The following GGT5 variants were observed in gnomAD, a reference collection of about 807,000 sequenced individuals.
The protein encoded by GGT5 is gamma-glutamyltransferase 5.
GGT5 carries 50 observed loss-of-function variants against 58.1 expected under a neutral mutation model. The observed-to-expected ratio is 0.86, with a 90% CI of 0.69 to 1.09. The LOEUF (loss-of-function observed/expected upper bound fraction) is 1.09. Among genes scored for constraint, GGT5 ranks in the 50% least tolerant of loss-of-function variants. The pLI is 0.00. For missense variants in GGT5, 800 were observed against 789.4 expected, an observed-to-expected ratio of 1.01 and a Z score of -0.16; for synonymous variants, 370 against 346.1, an observed-to-expected ratio of 1.07 and a Z score of -0.77.
At chr22:24,244,519 AG>A in intron 1 of GGT5, 33 bp downstream of exon 1, 2 of 1,589,822 alleles carry the variant, frequency 1.3e-6, no homozygotes, top group Admixed American at 1.7e-5. Flanking sequence ...CTGGCTGCCA[AG>A]GGCCACCCAG....
Position 24,232,547 on chromosome 22 carries a change from G to A in GGT5, c.596+276C>T, listed in dbSNP as rs187266062. Reference sequence around the variant, plus strand: ...AGCCCTCCTGCCATGCCAGAGAGAGGAAGAAGGAGGCCGGGGCCCCAGGGC... The same window carrying A: ...AGCCCTCCTGCCATGCCAGAGAGAGAAAGAAGGAGGCCGGGGCCCCAGGGC... On this transcript the variant is annotated intron_variant, in intron 4 of 11. Transcript: ENST00000327365. Among the ~76,000 whole-genome samples the A allele has an allele frequency of 3.9e-3, 595 of 151,464 alleles. 3 individuals carry two copies. Among genetic ancestry groups the A allele is most frequent in the Middle Eastern group, 6.8e-3 (2 of 294 alleles).
At chr22:24,238,869 TATATAA>T (rs2048219973) in intron 1 of GGT5, among the ~76,000 whole-genome samples, 1 of 11,832 alleles carries the variant, frequency 8.5e-5, no homozygotes, top group African/African-American at 5.1e-4. Context: ...ATATATAATA[TATATAA>T]TATATATTAT....
chr22:24,226,239 T>A lies in GGT5; in HGVS notation c.1066A>T (p.Thr356Ser), dbSNP rs1439411410. Residue 356 changes from threonine (T) to serine (S), a missense_variant, in exon 8 of 12, where the codon ACC becomes TCC. Thr to Ser is a moderately conservative substitution (Grantham distance 58). Transcript: ENST00000327365. ...QNASRDLLGE[T>S]LAQLIRQQID... ...TGTTGGCGGATGAGCTGGGCCAGGG[T>A]CTCCCCCAGCAGGTCCCGGGAGGCA... The A allele has an allele frequency of 6.2e-7, 1 of 1,604,608 alleles. No individual in the cohort carries two copies. Among genetic ancestry groups the A allele is most frequent in the East Asian group, 2.2e-5 (1 of 44,708 alleles).
Position 24,220,876 on chromosome 22 carries a change from T to G in GGT5, c.1615-760A>C, listed in dbSNP as rs551852073. ...GCAAGATCACGTCTTTATTAAAAAA[T>G]AAAAGAAAAGAAAAAAGAAAAAATT... is the stretch of plus-strand genomic sequence containing the variant. On this transcript the variant is annotated intron_variant, in intron 11 of 11. Coordinates refer to ENST00000327365, the MANE Select transcript of GGT5 (RefSeq NM_004121.5). The G allele has an allele frequency of 1.3e-3, 435 of 329,730 alleles. 3 individuals are homozygous for G. Among genetic ancestry groups the G allele is most frequent in the Middle Eastern group, 2.2e-3 (2 of 894 alleles). 20.4% of individuals were successfully genotyped at this position (329,730 alleles called of 1,614,324 possible). A position where few individuals can be genotyped will look rare whatever the true frequency, so the allele number is the denominator to read the frequency against.
intron 7 of GGT5, 29 bp from the exon 8 acceptor site, chr22:24,226,295 A>G (rs868253291): frequency 9.7e-6 from 15 of 1,546,978 alleles, no homozygotes; most frequent in African/African-American, 1.4e-5. Context: ...TGGCAGGGTC[A>G]GTGAGGGGCC....
intron 1 of GGT5, among the ~76,000 whole-genome samples, chr22:24,235,511 A>G (rs2048071314): frequency 6.6e-6 from 1 of 152,120 alleles, no homozygotes; most frequent in South Asian, 2.1e-4. Context: ...CCATCTGGAC[A>G]CAAACCCACC....
chr22:24,244,792 G>A lies in GGT5; in HGVS notation c.-67C>T, dbSNP rs1372700855. On this transcript the variant is annotated 5_prime_UTR_variant, in exon 1 of 12. Coordinates refer to ENST00000327365, the MANE Select transcript of GGT5 (RefSeq NM_004121.5). ...CGGAGGGACGGATGGGTGGGCAGAT[G>A]AATGGACAAGAAGATGCACAGAGTC... 4.6e-6 allele frequency: 7 copies of A among 1,512,688 alleles called. No homozygotes were observed. The East Asian group carries it at 1.5e-4, about 32-fold the overall frequency. The allele number at this position is 1,512,688 out of a possible 1,614,324, so 93.7% of individuals were successfully genotyped here. A position where few individuals can be genotyped will look rare whatever the true frequency, so the allele number is the denominator to read the frequency against.
intron 6 of GGT5, among the ~76,000 whole-genome samples, chr22:24,231,050 C>A (rs1334067009): frequency 6.6e-6 from 1 of 152,206 alleles, no homozygotes; most frequent in East Asian, 1.9e-4. Context: ...TTCGCTCCCC[C>A]AGGTGCACGC....
At position 24,232,839 on chromosome 22, in the gene GGT5, G is replaced by A; in HGVS notation, c.580C>T (p.Gln194Ter). 1 of 1,544,526 alleles carries A rather than the reference G, an allele frequency of 6.5e-7. No individual in the cohort carries two copies. The highest frequency in any genetic ancestry group is 2.4e-5 in the East Asian group (1 of 42,160). The part of the protein sequence containing the change: ...LHNSILRPSL[Q>*]ASTLRQLFFN... ...GGGGCTCACCGCAGGGTTGACGCCT[G>A]CAAGGAAGGCCGCAGGATGCTGTTG... is the stretch of plus-strand genomic sequence containing the variant. The change falls in exon 4 of 12, where the codon CAG becomes TAG. Residue 194 changes from glutamine (Q) to a stop codon, truncating the protein, a stop_gained. Transcript: ENST00000327365. LOFTEE classifies it high-confidence loss of function.
At position 24,225,100 on chromosome 22, in the gene GGT5, T is replaced by C. The variant is rs2047710322; in HGVS notation, c.1510A>G (p.Met504Val). ...LIISAVAQAI[M>V]SKLWLGFDLR... The stretch of plus-strand genomic sequence containing the variant: ...TCAAAGCCAAGCCACAGCTTGCTCA[T>C]GATGGCCTGGGGGAGAGATGAGGGT... The change falls in exon 11 of 12, where the codon ATG (methionine) becomes GTG (valine). Residue 504 changes from methionine to valine, a missense_variant. Transcript: ENST00000327365. 1 of 1,601,744 alleles carries C rather than the reference T, an allele frequency of 6.2e-7. No individual in the cohort carries two copies. Among genetic ancestry groups the C allele is most frequent in the East Asian group, 2.3e-5 (1 of 44,180 alleles).
In GGT5 at chr22:24,244,565, G is replaced by A. The variant is rs369330253; in HGVS notation, c.161C>T (p.Ser54Leu). The A allele has an allele frequency of 2.5e-6, 4 of 1,611,830 alleles. No homozygotes were observed. The highest frequency in any genetic ancestry group is 1.7e-6 in the Non-Finnish European group (2 of 1,179,710). ...AAVAADSKVC[S>L]DIGRAILQQQ... Reference sequence around the variant, plus strand: ...ACGTCTCACTCACCGTCCAATATCCGAGCAGACCTTGGAGTCGGCGGCAAC... The same window carrying A: ...ACGTCTCACTCACCGTCCAATATCCAAGCAGACCTTGGAGTCGGCGGCAAC... The change falls in exon 1 of 12, where the codon TCG becomes TTG. Residue 54 changes from serine to leucine, a missense_variant. Ser to Leu is a moderately radical substitution (Grantham distance 145). Coordinates refer to ENST00000327365, the MANE Select transcript of GGT5 (RefSeq NM_004121.5).
intron 1 of GGT5, chr22:24,241,656 T>C (rs2048330265): frequency 1.3e-5 from 2 of 152,122 alleles, no homozygotes; most frequent in Admixed American, 1.3e-4. Flanking sequence ...CTTAGCCAAG[T>C]TGACACATAA....
intron 1 of GGT5, chr22:24,244,246 T>C: frequency 2.9e-6 from 1 of 346,234 alleles, no homozygotes; most frequent in South Asian, 4.4e-5. Flanking sequence ...GACCTGCAGG[T>C]GCTGAAGCCC....
At chr22:24,238,829 ATATTTATATATATATATT>A (rs2048206292) in intron 1 of GGT5, among the ~76,000 whole-genome samples, 1 of 12,554 alleles carries the variant, frequency 8.0e-5, no homozygotes, top group Non-Finnish European at 1.2e-4. Context: ...ATATATATAT[ATATTTATATATATATATT>A]ATATATATTA....
chr22:24,226,898 A>G, intron 6 of GGT5, 131 bp from the exon 7 acceptor site: 2 of 607,882 alleles, frequency 3.3e-6, no homozygotes, highest in South Asian at 2.5e-5. Flanking sequence ...TACCTTATAC[A>G]GCACAAGAGT....
In GGT5 at chr22:24,232,032, G is replaced by C; in HGVS notation, c.754+19C>G. On this transcript the variant is annotated intron_variant, in intron 5 of 11. Transcript: ENST00000327365. ...CTTCCTCCAGCAGGGATGGGGTATG[G>C]AACCTCAGGGAGGCTGACCTTCCTT... The C allele has an allele frequency of 6.2e-7, 1 of 1,607,264 alleles. No individual in the cohort carries two copies. The highest frequency in any genetic ancestry group is 2.2e-5 in the East Asian group (1 of 44,838).
At chr22:24,240,908 A>G (rs2048308557) in intron 1 of GGT5, among the ~76,000 whole-genome samples, 1 of 152,222 alleles carries the variant, frequency 6.6e-6, no homozygotes, top group Admixed American at 6.5e-5. Flanking sequence ...CTGTAATCCC[A>G]GCACTTTGGG....
Position 24,232,210 on chromosome 22 carries a change from TGGG to T in GGT5, c.597-5_597-3del. 4.9e-6 allele frequency: 2 copies of T among 405,952 alleles called. No individual in the cohort carries two copies. The highest frequency in any genetic ancestry group is 4.0e-6 in the Non-Finnish European group (1 of 251,930). 25.1% of individuals were successfully genotyped at this position (405,952 alleles called of 1,614,324 possible). On this transcript the variant is annotated splice_region_variant and splice_polypyrimidine_tract_variant and intron_variant, in intron 4 of 11. Transcript: ENST00000327365. Reference sequence around the variant, plus strand: ...TCTGTCCCGTTGAAGAAGAGCTGGCTGGGGGGTGGGGGGAGCCTCAGGGTGGGG... The same window carrying T: ...TCTGTCCCGTTGAAGAAGAGCTGGCTGGGTGGGGGGAGCCTCAGGGTGGGG...
At chr22:24,228,070 A>G (rs1297122160) in intron 6 of GGT5, among the ~76,000 whole-genome samples, 1 of 89,912 alleles carries the variant, frequency 1.1e-5, no homozygotes, top group Non-Finnish European at 2.4e-5. Flanking sequence ...AAAAAAACAA[A>G]ACAAAAAAAA....
Sources: gnomAD v4.1 joint callset for allele counts (sites outside exome capture counted in the v4.1 genomes callset) on GRCh38, gnomAD v4.1.1 for gene constraint, MANE v1.5 for transcripts, NCBI Gene and HGNC (gene_info 2026-07-23, HGNC 2026-07-21) for gene names.